The following APCDD1L variants were observed in gnomAD, a reference collection of about 807,000 sequenced individuals.
The protein encoded by APCDD1L is APC down-regulated 1 like, also known as protein APCDD1-like.
A neutral mutation model predicts 24.2 loss-of-function variants in APCDD1L; 21 were observed. The observed-to-expected ratio is 0.87, with a 90% confidence interval of 0.61 to 1.25. The LOEUF (loss-of-function observed/expected upper bound fraction) is 1.25, where lower values mean the gene tolerates loss of function less well. APCDD1L is among the 50% of genes most tolerant of loss of function. The pLI is 0.00. For missense variants in APCDD1L, 704 were observed against 711.7 expected (o/e 0.99, Z 0.12); for synonymous variants, 321 against 323.6 (o/e 0.99, Z 0.09).
rs1216226221 is a variant in APCDD1L at position 58,467,874 on chromosome 20, C to G, written c.189-216G>C. Among the ~76,000 whole-genome samples the G allele has an allele frequency of 6.6e-6, 1 of 152,158 alleles. No homozygotes were observed. Among genetic ancestry groups the G allele is most frequent in the Non-Finnish European group, 1.5e-5 (1 of 68,032 alleles). ...GATGCCTCGTGGCCTCGACACAAGCCTTCTAGTTCATTCTCCTTTCCTTCA... is the reference window on the plus strand; with the variant it reads ...GATGCCTCGTGGCCTCGACACAAGCGTTCTAGTTCATTCTCCTTTCCTTCA... On this transcript the variant is annotated intron_variant, in intron 2 of 3. Coordinates refer to ENST00000371149, the MANE Select transcript of APCDD1L (RefSeq NM_153360.3). The surrounding 1 kb of genome is among the most constrained non-coding windows in gnomAD (Gnocchi z 5.9).
At chr20:58,471,508 G>T (rs1367553972) in intron 1 of APCDD1L, among the ~76,000 whole-genome samples, 1 of 152,358 alleles carries the variant, frequency 6.6e-6, no homozygotes, top group East Asian at 1.9e-4. Context: ...AGATGGACAC[G>T]GGAAGCAGGC....
At position 58,467,267 on chromosome 20, in the gene APCDD1L, G is replaced by C; in HGVS notation, c.580C>G (p.His194Asp). Reference sequence around the variant, plus strand: ...TGCACGCGGACCAGGCTGAGCTCGTGCATGGTGAGGCCCAGCGCCTCCAGG... The same window carrying C: ...TGCACGCGGACCAGGCTGAGCTCGTCCATGGTGAGGCCCAGCGCCTCCAGG... ...DCLEALGLTM[H>D]ELSLVRVQRR... is the part of the protein sequence containing the mutation. The change falls in exon 3 of 4, where the codon CAC becomes GAC. Residue 194 changes from histidine (H) to aspartate (D), a missense_variant. By Grantham distance (81) the His-to-Asp change is moderately conservative. Transcript: ENST00000371149. This position sits in a 1 kb window ranked among gnomAD's most constrained non-coding sequence, Gnocchi z 5.9. The C allele has an allele frequency of 6.4e-7, 1 of 1,571,952 alleles. No individual in the cohort carries two copies. Among genetic ancestry groups the C allele is most frequent in the Non-Finnish European group, 8.6e-7 (1 of 1,165,394 alleles).
chr20:58,509,751 T>C (rs913688741), intron 1 of APCDD1L, among the ~76,000 whole-genome samples: 3 of 152,194 alleles, frequency 2.0e-5, no homozygotes, highest in African/African-American at 7.2e-5. Context: ...CTGGGCCAAC[T>C]CCTAGCCAGT....
chr20:58,487,749 C>G (rs143458426), intron 1 of APCDD1L, among the ~76,000 whole-genome samples: 1,573 of 152,260 alleles, frequency 0.01, 21 homozygotes, highest in African/African-American at 0.036. Flanking sequence ...AAGGTCCAAC[C>G]TGCCAAGAAA....
intron 1 of APCDD1L, among the ~76,000 whole-genome samples, chr20:58,484,952 G>GA (rs5842226): frequency 6.7e-6 from 1 of 148,810 alleles, no homozygotes; most frequent in Non-Finnish European, 1.5e-5. Flanking sequence ...TGCTATTAAA[G>GA]TTTTTTTTTT....
rs754582740 is a variant in APCDD1L, at chr20:58,460,942, G to A, written c.1354C>T (p.Leu452=). Residue 452 remains leucine (L), a synonymous_variant, in exon 4 of 4, where the codon CTG becomes TTG. Coordinates refer to ENST00000371149, the MANE Select transcript of APCDD1L (RefSeq NM_153360.3). The surrounding 1 kb of genome is among the most constrained non-coding windows in gnomAD (Gnocchi z 4.2). Reference sequence around the variant, plus strand: ...GGGGCCTCCCCATGACAGAGCACCAGGGGTGCTTGGTAGGAGGTGGGACGT... The same window carrying A: ...GGGGCCTCCCCATGACAGAGCACCAAGGGTGCTTGGTAGGAGGTGGGACGT... The part of the protein sequence containing the change: ...EKRPTSYQAP[L]VLCHGEAPDF... 1 of 1,614,072 alleles carries A rather than the reference G, an allele frequency of 6.2e-7. No individual in the cohort carries two copies. Among genetic ancestry groups the A allele is most frequent in the Non-Finnish European group, 8.5e-7 (1 of 1,179,962 alleles).
chr20:58,470,028 C>A (rs1437537518), intron 2 of APCDD1L, among the ~76,000 whole-genome samples: 1 of 152,208 alleles, frequency 6.6e-6, no homozygotes, highest in Non-Finnish European at 1.5e-5. Flanking sequence ...GTCGAGTGAG[C>A]CTGTCAGGTT....
At chr20:58,512,933 G>A (rs1990656448) in intron 1 of APCDD1L, among the ~76,000 whole-genome samples, 1 of 152,150 alleles carries the variant, frequency 6.6e-6, no homozygotes, top group Non-Finnish European at 1.5e-5. Context: ...TGGCTTCTCT[G>A]CTGTTGAATC....
rs921063666 is a variant in APCDD1L at position 58,510,309 on chromosome 20, T to C, written c.49+4350A>G. ...GGGCACACAATACACGTCCACTGAA[T>C]TGGGACTCTGTCACTGCCTCTCTGC... On this transcript the variant is annotated intron_variant, in intron 1 of 3. Transcript: ENST00000371149. 2.0e-5 allele frequency among the ~76,000 whole-genome samples: 3 copies of C among 152,196 alleles called. No individual in the cohort carries two copies. In the East Asian group the frequency reaches 5.8e-4, roughly 29 times the overall value.
intron 1 of APCDD1L, among the ~76,000 whole-genome samples, chr20:58,476,231 C>G (rs1989907302): frequency 6.6e-6 from 1 of 152,180 alleles, no homozygotes; most frequent in African/African-American, 2.4e-5. Context: ...TGCTCTGTCG[C>G]CCAGGCTGGA....
At position 58,461,160 on chromosome 20, in the gene APCDD1L, C is replaced by A; in HGVS notation, c.1136G>T (p.Cys379Phe). 6.2e-7 allele frequency: 1 copy of A among 1,613,078 alleles called. No individual in the cohort carries two copies. Among genetic ancestry groups the A allele is most frequent in the Non-Finnish European group, 8.5e-7 (1 of 1,179,396 alleles). Reference sequence around the variant, plus strand: ...CATGGACCAGGCCCCCGCACCCCCACAGCTGCTTGGCTCAGAGAAGTTGAG... The same window carrying A: ...CATGGACCAGGCCCCCGCACCCCCAAAGCTGCTTGGCTCAGAGAAGTTGAG... ...AMLNFSEPSSCGGAGAWSMGT... is the reference protein window; with the variant it reads ...AMLNFSEPSSFGGAGAWSMGT... Residue 379 changes from cysteine to phenylalanine, a missense_variant, in exon 4 of 4, where the codon TGT becomes TTT. Coordinates refer to ENST00000371149, the MANE Select transcript of APCDD1L (RefSeq NM_153360.3). This position sits in a 1 kb window ranked among gnomAD's most constrained non-coding sequence, Gnocchi z 6.0.
rs10580833 is a variant in APCDD1L at position 58,479,593 on chromosome 20, C to CTT, written c.50-8848_50-8847dup. Among the ~76,000 whole-genome samples, 351 of 125,390 alleles carry CTT rather than the reference C, an allele frequency of 2.8e-3. 3 individuals carry two copies. Among genetic ancestry groups the CTT allele is most frequent in the African/African-American group, 9.2e-3 (316 of 34,500 alleles). The allele number at this position is 125,390 out of a possible 152,430, so 82.3% of individuals were successfully genotyped here. A position where few individuals can be genotyped will look rare whatever the true frequency, so the allele number is the denominator to read the frequency against. On this transcript the variant is annotated intron_variant, in intron 1 of 3. Coordinates refer to ENST00000371149, the MANE Select transcript of APCDD1L (RefSeq NM_153360.3). Reference sequence around the variant, plus strand: ...ATACTGAGGTTTGGATTAAGATTTGCTTTTTTTTTTTTTTTTTTTCTTAAA... The same window carrying CTT: ...ATACTGAGGTTTGGATTAAGATTTGCTTTTTTTTTTTTTTTTTTTTTCTTAAA...
At chr20:58,492,952 C>T (rs1171785460) in intron 1 of APCDD1L, among the ~76,000 whole-genome samples, 1 of 151,880 alleles carries the variant, frequency 6.6e-6, no homozygotes. Flanking sequence ...ACAATGCAAG[C>T]ATGCATACAC....
chr20:58,478,593 T>C (rs937403215), intron 1 of APCDD1L, among the ~76,000 whole-genome samples: 1 of 152,138 alleles, frequency 6.6e-6, no homozygotes, highest in African/African-American at 2.4e-5. Flanking sequence ...TCATGGAAAG[T>C]GCTTAGGACA....
chr20:58,471,145 T>C (rs1989805104), intron 1 of APCDD1L, among the ~76,000 whole-genome samples: 1 of 152,186 alleles, frequency 6.6e-6, no homozygotes, highest in African/African-American at 2.4e-5. Flanking sequence ...CCCACGCTCC[T>C]GGACAAAGGG....
At chr20:58,490,253 G>A (rs1990198985) in intron 1 of APCDD1L, among the ~76,000 whole-genome samples, 1 of 152,160 alleles carries the variant, frequency 6.6e-6, no homozygotes, top group Non-Finnish European at 1.5e-5. Flanking sequence ...AAACTTCTAT[G>A]AAGTTTCTTT....
In APCDD1L at chr20:58,460,867, TG is replaced by T; in HGVS notation, c.1428del (p.Ser477AlafsTer7). The T allele has an allele frequency of 6.3e-7, 1 of 1,584,242 alleles. No homozygotes were observed. Among genetic ancestry groups the T allele is most frequent in the Non-Finnish European group, 8.6e-7 (1 of 1,162,970 alleles). ...PQHRPSLQKH[P>X]STGGLHIAPF... Reference sequence around the variant, plus strand: ...GGGGCTATGTGAAGACCCCCTGTGCTGGGGTGCTTCTGCAGCGATGGCCTGT... The same window carrying T: ...GGGGCTATGTGAAGACCCCCTGTGCTGGGTGCTTCTGCAGCGATGGCCTGT... On this transcript the variant is annotated frameshift_variant, in exon 4 of 4. Coordinates refer to ENST00000371149, the MANE Select transcript of APCDD1L (RefSeq NM_153360.3). LOFTEE classifies it low-confidence loss of function (END_TRUNC). The surrounding 1 kb of genome is among the most constrained non-coding windows in gnomAD (Gnocchi z 4.2).
intron 3 of APCDD1L, among the ~76,000 whole-genome samples, chr20:58,464,903 T>C (rs1989679429): frequency 6.6e-6 from 1 of 151,712 alleles, no homozygotes. Context: ...TGAGCAGACC[T>C]TTAATGTAAT....
At chr20:58,464,067 G>C (rs1054132691) in intron 3 of APCDD1L, among the ~76,000 whole-genome samples, 2 of 152,122 alleles carry the variant, frequency 1.3e-5, no homozygotes, top group Non-Finnish European at 2.9e-5. Context: ...AAAAATGTTT[G>C]TGATGGGAGC....
Sources: gnomAD v4.1 joint callset for allele counts (sites outside exome capture counted in the v4.1 genomes callset) on GRCh38, gnomAD v4.1.1 for gene constraint, Gnocchi (gnomAD v3.1) non-coding constraint, MANE v1.5 for transcripts, NCBI Gene and HGNC (gene_info 2026-07-23, HGNC 2026-07-21) for gene names.